Variants in ABLIM1 observed in about 807,000 individuals in gnomAD.
ABLIM1 encodes the protein actin-binding LIM protein 1.
Under a neutral mutation model 107.0 loss-of-function variants are expected in ABLIM1, and 40 were observed. The ratio of observed to expected loss-of-function variants is 0.37; its 90% CI spans 0.29 to 0.49. The LOEUF is 0.49. Ranked by LOEUF, ABLIM1 falls within the 20% of genes least tolerant of loss-of-function variation. The probability of loss-of-function intolerance (pLI) is 0.97; values close to 1 mark genes in which losing one functional copy is unlikely to be tolerated. For synonymous variants in ABLIM1, 357 were observed against 357.3 expected (o/e 1.00, Z 0.01); for missense variants, 857 against 1,008.5 (o/e 0.85, Z 2.04).
At chr10:114,799,708 C>T in the ABLIM1 span, among the ~76,000 whole-genome samples, 2 of 152,208 alleles carry the variant, frequency 1.3e-5, no homozygotes, top group Non-Finnish European at 2.9e-5. Context: ...ATGTGAGCCC[C>T]CTATCTGGAC....
chr10:114,472,985 G>C lies in ABLIM1; in HGVS notation c.1267C>G (p.Leu423Val), dbSNP rs762220178. 6 of 1,597,456 alleles carry C rather than the reference G, an allele frequency of 3.8e-6. No homozygotes were observed. In the Admixed American group the frequency reaches 1.0e-4, roughly 28 times the overall value. ...GYDDKQERQS[L>V]GESPRTLSPT... ...CAGTAGGAATGTATTACCTCTCCAAGGCTCTGTCTCTCCTGTTTGTCATCA... is the reference window on the plus strand; with the variant it reads ...CAGTAGGAATGTATTACCTCTCCAACGCTCTGTCTCTCCTGTTTGTCATCA... Residue 423 changes from leucine (L) to valine (V), a missense_variant, in exon 10 of 23, where the codon CTT becomes GTT. Transcript: ENST00000533213.
intron 3 of ABLIM1, among the ~76,000 whole-genome samples, chr10:114,572,173 G>A (rs889368249): frequency 3.7e-4 from 56 of 152,158 alleles, no homozygotes; most frequent in Admixed American, 3.6e-3. Flanking sequence ...CAGTTTCCAT[G>A]CCCACTCACT....
At chr10:114,444,207 T>G in intron 16 of ABLIM1, 73 bp from the exon 17 acceptor site, 3 of 1,301,524 alleles carry the variant, frequency 2.3e-6, no homozygotes, top group African/African-American at 1.5e-5. Context: ...GAGCTGCAGT[T>G]TCTTTGTAGC....
Position 114,565,989 on chromosome 10 carries a change from G to T in ABLIM1, c.673+5308C>A, listed in dbSNP as rs1045595989. Among the ~76,000 whole-genome samples, 4 of 151,896 alleles carry T rather than the reference G, an allele frequency of 2.6e-5. No individual in the cohort carries two copies. The East Asian group carries it at 7.8e-4, about 29-fold the overall frequency. On this transcript the variant is annotated intron_variant, in intron 4 of 22. Transcript: ENST00000533213. ...TTTTTGTATTTTTAGTAGAGATGGGGTTTCACCGTGTTAGCCAGGATGGTC... is the reference window on the plus strand; with the variant it reads ...TTTTTGTATTTTTAGTAGAGATGGGTTTTCACCGTGTTAGCCAGGATGGTC...
chr10:114,770,033 A>G (rs1361659194), upstream of ABLIM1, among the ~76,000 whole-genome samples: 1 of 152,180 alleles, frequency 6.6e-6, no homozygotes, highest in African/African-American at 2.4e-5. Flanking sequence ...TGCCCTGCCT[A>G]CATTCAGCCT....
At chr10:114,703,702 C>T (rs962482452) in intron 1 of ABLIM1, among the ~76,000 whole-genome samples, 2 of 152,312 alleles carry the variant, frequency 1.3e-5, no homozygotes, top group African/African-American at 2.4e-5. Flanking sequence ...ACATTACATG[C>T]TCTATAAATG....
At chr10:114,676,739 G>T (rs545363976) in intron 1 of ABLIM1, among the ~76,000 whole-genome samples, 1 of 152,034 alleles carries the variant, frequency 6.6e-6, no homozygotes, top group East Asian at 2.0e-4. Context: ...TATAAAATCA[G>T]TATGAAGCTT....
chr10:114,541,516 G>A (rs184054624), intron 6 of ABLIM1, among the ~76,000 whole-genome samples: 16 of 152,030 alleles, frequency 1.1e-4, no homozygotes, highest in African/African-American at 3.6e-4. Flanking sequence ...CCTGCTTTGT[G>A]TTGGTAACCA....
intron 6 of ABLIM1, among the ~76,000 whole-genome samples, chr10:114,509,774 C>A (rs543666532): frequency 8.5e-4 from 129 of 152,270 alleles, no homozygotes; most frequent in Non-Finnish European, 1.5e-3. Context: ...AATATGTTAA[C>A]CTGCCTGTAT....
chr10:114,539,827 C>T (rs1335019301), intron 6 of ABLIM1, among the ~76,000 whole-genome samples: 1 of 151,716 alleles, frequency 6.6e-6, no homozygotes, highest in East Asian at 1.9e-4. Context: ...GGTCTGAAGT[C>T]TCTTCCAGCT....
intron 1 of ABLIM1, among the ~76,000 whole-genome samples, chr10:114,704,335 T>TCTATCTCACG (rs3061769): frequency 1.2e-5 from 1 of 83,388 alleles, no homozygotes; most frequent in Non-Finnish European, 2.5e-5. Flanking sequence ...TATATATATA[T>TCTATCTCACG]TGCGCGCGTT....
intron 1 of ABLIM1, among the ~76,000 whole-genome samples, chr10:114,620,016 A>G (rs2077367223): frequency 6.6e-6 from 1 of 152,200 alleles, no homozygotes; most frequent in African/African-American, 2.4e-5. Context: ...TATTATCACA[A>G]TAACAGGAGT....
At chr10:114,635,464 C>T (rs937246383) in intron 1 of ABLIM1, among the ~76,000 whole-genome samples, 1 of 152,214 alleles carries the variant, frequency 6.6e-6, no homozygotes, top group Non-Finnish European at 1.5e-5. Context: ...ATTTCAGGAT[C>T]CCTCCGTGGG....
intron 4 of ABLIM1, among the ~76,000 whole-genome samples, chr10:114,563,379 A>G (rs1430063520): frequency 6.6e-6 from 1 of 152,180 alleles, no homozygotes; most frequent in Non-Finnish European, 1.5e-5. Context: ...TAGGCCTTGT[A>G]TAAGAAAGAC....
upstream of ABLIM1, among the ~76,000 whole-genome samples, chr10:114,686,809 T>C (rs532746634): frequency 6.6e-6 from 1 of 151,838 alleles, no homozygotes; most frequent in African/African-American, 2.4e-5. Context: ...TTTTTTTTAA[T>C]AGAGACAGAG....
At chr10:114,624,128 T>C (rs2077641505) in intron 1 of ABLIM1, among the ~76,000 whole-genome samples, 1 of 152,228 alleles carries the variant, frequency 6.6e-6, no homozygotes, top group Admixed American at 6.5e-5. Context: ...GGCTGGTTTT[T>C]ACTGTGGTGC....
At chr10:114,731,119 CATTTGT>C (rs2082064041) in intron 1 of ABLIM1, among the ~76,000 whole-genome samples, 1 of 152,096 alleles carries the variant, frequency 6.6e-6, no homozygotes. Flanking sequence ...GGGCTGTACA[CATTTGT>C]GTACAAGTTT....
intron 6 of ABLIM1, among the ~76,000 whole-genome samples, chr10:114,494,177 G>A (rs1464326622): frequency 6.6e-6 from 1 of 152,106 alleles, no homozygotes; most frequent in African/African-American, 2.4e-5. Flanking sequence ...TAAATAGAGA[G>A]GACAACTGGT....
chr10:114,551,726 C>G (rs561690214), intron 4 of ABLIM1, among the ~76,000 whole-genome samples: 2 of 152,344 alleles, frequency 1.3e-5, no homozygotes, highest in East Asian at 3.9e-4. Context: ...TCCTGCCTCA[C>G]CACTATGATC....
Sources: gnomAD v4.1 joint callset for allele counts (sites outside exome capture counted in the v4.1 genomes callset) on GRCh38, gnomAD v4.1.1 for gene constraint, MANE v1.5 for transcripts, NCBI Gene and HGNC (gene_info 2026-07-23, HGNC 2026-07-21) for gene names.